FARS2: variants seen among roughly 807,000 people sequenced by gnomAD.
The protein encoded by FARS2 is phenylalanyl-tRNA synthetase 2, mitochondrial.
A neutral mutation model predicts 46.4 loss-of-function variants in FARS2; 40 were observed. The ratio of observed to expected loss-of-function variants is 0.86; its 90% CI spans 0.67 to 1.12. The LOEUF is 1.12. FARS2 is among the 50% of genes most tolerant of loss of function. The pLI is 0.00. For missense variants in FARS2, 513 were observed against 567.9 expected (o/e 0.90, Z 0.98); for synonymous variants, 234 against 214.9 (o/e 1.09, Z -0.78).
intron 4 of FARS2, chr6:5,466,804 C>T: frequency 1.0e-5 from 10 of 985,344 alleles, no homozygotes; most frequent in Non-Finnish European, 1.2e-5. Flanking sequence ...GAAGTTGTTA[C>T]CCACCTCTGA....
intron 1 of FARS2, among the ~76,000 whole-genome samples, chr6:5,303,944 T>C (rs1768510209): frequency 6.6e-6 from 1 of 152,124 alleles, no homozygotes; most frequent in South Asian, 2.1e-4. Flanking sequence ...CTCCGTGGAC[T>C]GCTCTGTGTG....
At chr6:5,268,089 A>G (rs1345055406) in intron 1 of FARS2, among the ~76,000 whole-genome samples, 1 of 152,088 alleles carries the variant, frequency 6.6e-6, no homozygotes, top group Non-Finnish European at 1.5e-5. Flanking sequence ...AGTTCTTTGT[A>G]GATTCTGGAT....
intron 2 of FARS2, among the ~76,000 whole-genome samples, chr6:5,396,255 CA>C (rs1760891771): frequency 6.6e-6 from 1 of 152,118 alleles, no homozygotes; most frequent in Non-Finnish European, 1.5e-5. Flanking sequence ...TTAATTTCCT[CA>C]GGGGAAATAA....
intron 1 of FARS2, among the ~76,000 whole-genome samples, chr6:5,328,015 T>G (rs1040149269): frequency 3.3e-5 from 5 of 152,298 alleles, no homozygotes; most frequent in Non-Finnish European, 4.4e-5. Context: ...TTCATAGGTT[T>G]TTTGGAGAGT....
At chr6:5,370,342 G>T (rs148092216) in intron 2 of FARS2, among the ~76,000 whole-genome samples, 1 of 151,922 alleles carries the variant, frequency 6.6e-6, no homozygotes, top group Admixed American at 6.5e-5. Flanking sequence ...AAGGCCATCC[G>T]TGCTGGATCT....
At chr6:5,383,305 C>T (rs947875401) in intron 2 of FARS2, among the ~76,000 whole-genome samples, 11 of 152,174 alleles carry the variant, frequency 7.2e-5, no homozygotes, top group African/African-American at 2.4e-4. Context: ...GGAATTATGC[C>T]TTTTTTACCC....
At chr6:5,544,652 T>A (rs147560468) in intron 4 of FARS2, among the ~76,000 whole-genome samples, 1 of 152,302 alleles carries the variant, frequency 6.6e-6, no homozygotes, top group East Asian at 1.9e-4. Context: ...CTGAAGTGGC[T>A]GTTGGTAAGA....
At chr6:5,263,119 G>C (rs1247172863) in intron 1 of FARS2, among the ~76,000 whole-genome samples, 1 of 152,162 alleles carries the variant, frequency 6.6e-6, no homozygotes, top group Non-Finnish European at 1.5e-5. Context: ...AAATAGCAAA[G>C]ATTACATTAT....
intron 6 of FARS2, among the ~76,000 whole-genome samples, chr6:5,660,807 G>A (rs1270740509): frequency 6.6e-6 from 1 of 152,236 alleles, no homozygotes; most frequent in Non-Finnish European, 1.5e-5. Context: ...AAGAAGGCCA[G>A]TGTGGCTGGA....
At chr6:5,544,809 C>T (rs996750811) in intron 4 of FARS2, among the ~76,000 whole-genome samples, 1 of 152,142 alleles carries the variant, frequency 6.6e-6, no homozygotes, top group Non-Finnish European at 1.5e-5. Context: ...GGACAGAGAC[C>T]GTCTTTTCTT....
intron 1 of FARS2, among the ~76,000 whole-genome samples, chr6:5,298,623 G>A (rs947574187): frequency 6.6e-6 from 1 of 152,186 alleles, no homozygotes; most frequent in African/African-American, 2.4e-5. Context: ...AGAGATTCCA[G>A]TGTAACACAT....
Position 5,764,840 on chromosome 6 carries a change from G to T in FARS2, c.1218-6451G>T, listed in dbSNP as rs945124481. On this transcript the variant is annotated intron_variant, in intron 6 of 6. Coordinates refer to ENST00000274680, the MANE Select transcript of FARS2 (RefSeq NM_006567.5). The surrounding 1 kb of genome is among the most constrained non-coding windows in gnomAD (Gnocchi z 4.1). ...GTATGATAGAGGAATTCCAACCCTC[G>T]CTAACACTCTGACCCCTTGTGCCAG... Among the ~76,000 whole-genome samples the T allele has an allele frequency of 3.3e-5, 5 of 152,136 alleles. No homozygotes were observed. Among genetic ancestry groups the T allele is most frequent in the African/African-American group, 1.2e-4 (5 of 41,416 alleles).
chr6:5,341,208 TA>T lies in FARS2; in HGVS notation c.-21-27341del, dbSNP rs1561969678. Among the ~76,000 whole-genome samples, 35 of 5,342 alleles carry T rather than the reference TA, an allele frequency of 6.6e-3. 4 individuals carry two copies. Among genetic ancestry groups the T allele is most frequent in the Admixed American group, 0.017 (7 of 410 alleles). The allele number at this position is 5,342 out of a possible 152,430, so 3.5% of individuals were successfully genotyped here. On this transcript the variant is annotated intron_variant, in intron 1 of 6. Transcript: ENST00000274680. ...GGGGAGATATATATATATATATATA[TA>T]TATATATATATATATATATATATAT...
chr6:5,260,597 G>A (rs1272084574), upstream of FARS2: 9 of 1,207,414 alleles, frequency 7.5e-6, no homozygotes, highest in Admixed American at 1.7e-4. Flanking sequence ...CGCACCCCCG[G>A]TCCCCGGCCC....
intron 4 of FARS2, among the ~76,000 whole-genome samples, chr6:5,485,178 G>A (rs1393047626): frequency 2.6e-5 from 4 of 152,112 alleles, no homozygotes; most frequent in African/African-American, 9.7e-5. Context: ...CCAAGTCAGT[G>A]GACTCGGAGC....
At chr6:5,401,153 A>C (rs1325397594) in intron 2 of FARS2, among the ~76,000 whole-genome samples, 1 of 152,058 alleles carries the variant, frequency 6.6e-6, no homozygotes, top group African/African-American at 2.4e-5. Flanking sequence ...TTACTTTCAC[A>C]TTTATTGAGT....
At chr6:5,724,560 A>C (rs979819617) in intron 6 of FARS2, among the ~76,000 whole-genome samples, 1 of 151,864 alleles carries the variant, frequency 6.6e-6, no homozygotes, top group African/African-American at 2.4e-5. Flanking sequence ...GAGGAGGAGA[A>C]CTCCTCTCAT....
At chr6:5,389,558 C>CT (rs1293954266) in intron 2 of FARS2, among the ~76,000 whole-genome samples, 2 of 152,154 alleles carry the variant, frequency 1.3e-5, no homozygotes, top group Non-Finnish European at 2.9e-5. Context: ...GCAAGAATGT[C>CT]CTGTGGTGTA....
intron 1 of FARS2, among the ~76,000 whole-genome samples, chr6:5,346,752 C>CT (rs199611864): frequency 0.062 from 9,252 of 149,452 alleles, 347 homozygotes; most frequent in Middle Eastern, 0.14. Context: ...TCCAACAATT[C>CT]TTTTTTTTTT....
Sources: gnomAD v4.1 joint callset for allele counts (sites outside exome capture counted in the v4.1 genomes callset) on GRCh38, gnomAD v4.1.1 for gene constraint, Gnocchi (gnomAD v3.1) non-coding constraint, MANE v1.5 for transcripts, NCBI Gene and HGNC (gene_info 2026-07-23, HGNC 2026-07-21) for gene names.